PEX2: variants seen among roughly 807,000 people sequenced by gnomAD.
PEX2 encodes peroxisomal biogenesis factor 2, also known as peroxisome biogenesis factor 2.
A neutral mutation model predicts 25.2 loss-of-function variants in PEX2; 19 were observed. That is an observed-to-expected ratio of 0.75 (90% CI 0.53 to 1.10). The LOEUF (loss-of-function observed/expected upper bound fraction) is 1.10, where lower values mean the gene tolerates loss of function less well. Among genes scored for constraint, PEX2 ranks in the 50% least tolerant of loss-of-function variants. The pLI is 0.00. For synonymous variants in PEX2, 141 were observed against 127.7 expected (o/e 1.10, Z -0.70); for missense variants, 347 against 350.6 (o/e 0.99, Z 0.08).
Position 76,984,188 on chromosome 8 carries a change from G to C in PEX2, c.-10C>G. The C allele has an allele frequency of 6.2e-7, 1 of 1,613,538 alleles. No homozygotes were observed. On this transcript the variant is annotated 5_prime_UTR_variant, in exon 4 of 4. Transcript: ENST00000357039. Reference sequence around the variant, plus strand: ...CTTTTCTGGAAGCCATGTCTTCTCTGAAGGTCTCTAGGAAAAAATACAATT... The same window carrying C: ...CTTTTCTGGAAGCCATGTCTTCTCTCAAGGTCTCTAGGAAAAAATACAATT...
At chr8:76,990,850 G>A (rs1807150275) in intron 1 of PEX2, among the ~76,000 whole-genome samples, 3 of 152,054 alleles carry the variant, frequency 2.0e-5, no homozygotes. Flanking sequence ...TTACCTAAAC[G>A]TTACACAGAG....
chr8:76,994,407 G>T (rs1807261873), intron 1 of PEX2, among the ~76,000 whole-genome samples: 1 of 152,032 alleles, frequency 6.6e-6, no homozygotes, highest in Non-Finnish European at 1.5e-5. Context: ...ATAATAATGT[G>T]GGTATTGTCA....
rs936141374 is a variant in PEX2 at position 76,981,330 on chromosome 8, T to C, written c.*1931A>G. The stretch of plus-strand genomic sequence containing the variant: ...TACAAAAATTAGCCAGGCATGGTGG[T>C]ATGGGCCTGTGGTCCCAGCAACTTG... On this transcript the variant is annotated 3_prime_UTR_variant, in exon 4 of 4. Coordinates refer to ENST00000357039, the MANE Select transcript of PEX2 (RefSeq NM_000318.3). 1 of 152,058 alleles carries C rather than the reference T, an allele frequency of 6.6e-6. No individual in the cohort carries two copies. Among genetic ancestry groups the C allele is most frequent in the African/African-American group, 2.4e-5 (1 of 41,384 alleles). 9.4% of individuals were successfully genotyped at this position (152,058 alleles called of 1,614,324 possible). A position where few individuals can be genotyped will look rare whatever the true frequency, so the allele number is the denominator to read the frequency against.
At position 76,983,066 on chromosome 8, in the gene PEX2, T is replaced by C. The variant is rs912456128; in HGVS notation, c.*195A>G. 1.5e-6 allele frequency: 2 copies of C among 1,377,444 alleles called. No homozygotes were observed. The highest frequency in any genetic ancestry group is 1.9e-6 in the Non-Finnish European group (2 of 1,052,186). 85.3% of individuals were successfully genotyped at this position (1,377,444 alleles called of 1,614,324 possible). ...GAATGCAATGATTTAAAAAACATAA[T>C]ACATTAACATTTACATAATATATTT... On this transcript the variant is annotated 3_prime_UTR_variant, in exon 4 of 4. Transcript: ENST00000357039.
Position 76,983,476 on chromosome 8 carries a change from T to G in PEX2, c.703A>C (p.Asn235His). The change falls in exon 4 of 4, where the codon AAT becomes CAT. Residue 235 changes from asparagine to histidine, a missense_variant. Physicochemically the swap from Asn to His is moderately conservative, Grantham distance 68. Coordinates refer to ENST00000357039, the MANE Select transcript of PEX2 (RefSeq NM_000318.3). ...IPLTGAPNSD[N>H]TLATSGKECA... The stretch of plus-strand genomic sequence containing the variant: ...TCTTTGCCACTGGTGGCTAATGTAT[T>G]GTCACTATTAGGTGCACCAGTAAGA... The G allele has an allele frequency of 6.2e-7, 1 of 1,614,174 alleles. No homozygotes were observed. Among genetic ancestry groups the G allele is most frequent in the Non-Finnish European group, 8.5e-7 (1 of 1,180,020 alleles).
chr8:76,985,890 T>C (rs1484638042), intron 3 of PEX2, among the ~76,000 whole-genome samples: 1 of 152,200 alleles, frequency 6.6e-6, no homozygotes, highest in Non-Finnish European at 1.5e-5. Flanking sequence ...TACTCTGTTA[T>C]GATTTTTAGT....
At chr8:76,989,441 G>C (rs1457731376) in intron 1 of PEX2, among the ~76,000 whole-genome samples, 1 of 152,052 alleles carries the variant, frequency 6.6e-6, no homozygotes, top group African/African-American at 2.4e-5. Flanking sequence ...ACACAGAATG[G>C]CGAATCTTTT....
chr8:77,000,108 G>C (rs886063142), upstream of PEX2: 1 of 375,608 alleles, frequency 2.7e-6, no homozygotes, highest in Non-Finnish European at 5.2e-6. Context: ...GCAGGCTTCC[G>C]GAGCGACGCA....
rs377669414 is a variant in PEX2 at position 76,983,698 on chromosome 8, C to T, written c.481G>A (p.Gly161Arg). 4 of 1,613,902 alleles carry T rather than the reference C, an allele frequency of 2.5e-6. No homozygotes were observed. In the African/African-American group the frequency reaches 4.0e-5, roughly 16 times the overall value. The change falls in exon 4 of 4, where the codon GGA (glycine) becomes AGA (arginine). Residue 161 changes from glycine (G) to arginine (R), a missense_variant. Physicochemically the swap from Gly to Arg is moderately radical, Grantham distance 125. Transcript: ENST00000357039. ...CGTTCTGTCAAAGTTGCAAACTTTC[C>T]CCTCTGAAGGAAAATCAAAAAATTA... ...LINFLIFLQRGKFATLTERLL... is the reference protein window; with the variant it reads ...LINFLIFLQRRKFATLTERLL...
intron 1 of PEX2, among the ~76,000 whole-genome samples, chr8:76,992,289 G>A (rs1490513979): frequency 6.6e-6 from 1 of 152,168 alleles, no homozygotes; most frequent in Non-Finnish European, 1.5e-5. Context: ...TTGAAGTAAA[G>A]AAACCTCATG....
Position 76,987,736 on chromosome 8 carries a change from C to T in PEX2, c.-128+571G>A, listed in dbSNP as rs142983444. On this transcript the variant is annotated intron_variant, in intron 2 of 3. Transcript: ENST00000357039. ...GAGAGAAAAGGGTTATCTTTGACAG[C>T]GGTGAGGTGGTAGAAGTGACACTAT... 7.4e-3 allele frequency among the ~76,000 whole-genome samples: 1,127 copies of T among 152,002 alleles called. 6 individuals carry two copies. The highest frequency in any genetic ancestry group is 0.014 in the Middle Eastern group (4 of 294).
At chr8:76,987,710 A>G (rs1053006627) in intron 2 of PEX2, among the ~76,000 whole-genome samples, 5 of 152,192 alleles carry the variant, frequency 3.3e-5, no homozygotes, top group Non-Finnish European at 5.9e-5. Context: ...CAATGGGGAC[A>G]GAGAGAAAAG....
intron 1 of PEX2, among the ~76,000 whole-genome samples, chr8:76,988,933 C>T (rs1457595035): frequency 2.7e-5 from 4 of 150,606 alleles, no homozygotes; most frequent in African/African-American, 9.8e-5. Flanking sequence ...TGGCTCATGC[C>T]TATAATTCCA....
chr8:76,996,106 G>C (rs1331287458), intron 1 of PEX2, among the ~76,000 whole-genome samples: 1 of 152,120 alleles, frequency 6.6e-6, no homozygotes, highest in African/African-American at 2.4e-5. Context: ...AGTATTCATG[G>C]AGAGTAACAG....
intron 2 of PEX2, chr8:76,988,096 T>C (rs1400152172): frequency 6.6e-6 from 1 of 152,146 alleles, no homozygotes; most frequent in Non-Finnish European, 1.5e-5. Flanking sequence ...TTGTAACACA[T>C]TCAACTTTCT....
chr8:76,983,841 C>A lies in PEX2; in HGVS notation c.338G>T (p.Gly113Val). The A allele has an allele frequency of 6.2e-7, 1 of 1,614,124 alleles. No homozygotes were observed. The highest frequency in any genetic ancestry group is 8.5e-7 in the Non-Finnish European group (1 of 1,180,006). ...ATAGCATCGTTCTTCTAACCACCTGCCACCAATTGTACAAACAGCATACCA... is the reference window on the plus strand; with the variant it reads ...ATAGCATCGTTCTTCTAACCACCTGACACCAATTGTACAAACAGCATACCA... Reference protein sequence around the residue: ...KIWYAVCTIGGRWLEERCYDL... With the variant: ...KIWYAVCTIGVRWLEERCYDL... The change falls in exon 4 of 4, where the codon GGC becomes GTC. Residue 113 changes from glycine (G) to valine (V), a missense_variant. By Grantham distance (109) the Gly-to-Val change is moderately radical. Coordinates refer to ENST00000357039, the MANE Select transcript of PEX2 (RefSeq NM_000318.3).
chr8:77,000,175 T>C, upstream of PEX2: 1 of 313,268 alleles, frequency 3.2e-6, no homozygotes, highest in Non-Finnish European at 6.3e-6. Context: ...GAACTGCGCT[T>C]TAGCGGCGCT....
chr8:77,000,062 C>G lies in PEX2; in HGVS notation c.-232G>C, dbSNP rs1265110671. 2 of 426,502 alleles carry G rather than the reference C, an allele frequency of 4.7e-6. No homozygotes were observed. The highest frequency in any genetic ancestry group is 9.5e-6 in the Non-Finnish European group (2 of 211,630). 26.4% of individuals were successfully genotyped at this position (426,502 alleles called of 1,614,324 possible). A position where few individuals can be genotyped will look rare whatever the true frequency, so the allele number is the denominator to read the frequency against. ...CATTCTCTGGAAAGCTTGTCTTTTC[C>G]TAGCCGAATCTGGATTACCAAGGCT... On this transcript the variant is annotated 5_prime_UTR_variant, in exon 1 of 4. Coordinates refer to ENST00000357039, the MANE Select transcript of PEX2 (RefSeq NM_000318.3).
chr8:76,986,769 T>G (rs531108249), intron 2 of PEX2, among the ~76,000 whole-genome samples: 2 of 152,290 alleles, frequency 1.3e-5, no homozygotes, highest in Admixed American at 6.5e-5. Context: ...ATCTAGTTGT[T>G]CCCTTGGCAC....
Sources: allele counts gnomAD v4.1 joint callset (sites outside exome capture counted in the v4.1 genomes callset), GRCh38; gene constraint gnomAD v4.1.1; transcripts MANE v1.5; gene names NCBI Gene and HGNC (gene_info 2026-07-23, HGNC 2026-07-21).